The following EIPR1 variants were observed in gnomAD, a reference collection of about 807,000 sequenced individuals.
EIPR1 encodes the protein EARP and GARP complex-interacting protein 1.
EIPR1 carries 25 observed loss-of-function variants against 48.1 expected under a neutral mutation model. The ratio of observed to expected loss-of-function variants is 0.52; its 90% confidence interval spans 0.38 to 0.73. The LOEUF (loss-of-function observed/expected upper bound fraction) is 0.73, where lower values mean the gene tolerates loss of function less well. Among genes scored for constraint, EIPR1 ranks in the 30% least tolerant of loss-of-function variants. EIPR1 has a pLI of 0.00. For synonymous variants in EIPR1, 204 were observed against 201.9 expected (o/e 1.01, Z -0.09); for missense variants, 415 against 506.2 (o/e 0.82, Z 1.73).
intron 3 of EIPR1, among the ~76,000 whole-genome samples, chr2:3,289,246 CTG>C (rs1668296599): frequency 6.6e-6 from 1 of 152,150 alleles, no homozygotes; most frequent in African/African-American, 2.4e-5. Flanking sequence ...AATCATTTCG[CTG>C]TCTCTCTCTT....
At chr2:3,194,542 T>G (rs549998936) in intron 6 of EIPR1, among the ~76,000 whole-genome samples, 2 of 152,102 alleles carry the variant, frequency 1.3e-5, no homozygotes, top group Non-Finnish European at 2.9e-5. Context: ...CCTGACACAT[T>G]TCTGGAAGGA....
At chr2:3,367,622 T>A (rs1671005863) in intron 1 of EIPR1, among the ~76,000 whole-genome samples, 1 of 152,134 alleles carries the variant, frequency 6.6e-6, no homozygotes, top group Non-Finnish European at 1.5e-5. Flanking sequence ...CACAATCAAG[T>A]GGAATTCTTT....
chr2:3,325,130 G>A (rs1374171061), intron 3 of EIPR1, among the ~76,000 whole-genome samples: 1 of 152,208 alleles, frequency 6.6e-6, no homozygotes, highest in Non-Finnish European at 1.5e-5. Flanking sequence ...AGCTACAACT[G>A]GGCCCAAAAA....
intron 4 of EIPR1, among the ~76,000 whole-genome samples, chr2:3,226,868 C>A (rs901730088): frequency 4.6e-5 from 7 of 152,198 alleles, no homozygotes; most frequent in African/African-American, 1.7e-4. Flanking sequence ...AAGGGCAGTT[C>A]CCCTGCACAT....
intron 1 of EIPR1, among the ~76,000 whole-genome samples, chr2:3,358,786 C>T (rs1670791515): frequency 6.6e-6 from 1 of 152,154 alleles, no homozygotes; most frequent in Admixed American, 6.5e-5. Flanking sequence ...AGGCTGAGCC[C>T]CAGGTCAGGA....
intron 4 of EIPR1, among the ~76,000 whole-genome samples, chr2:3,228,415 A>G (rs976011967): frequency 6.6e-6 from 1 of 152,240 alleles, no homozygotes; most frequent in Non-Finnish European, 1.5e-5. Context: ...TACCACCATT[A>G]TATCTAGGAA....
intron 4 of EIPR1, among the ~76,000 whole-genome samples, chr2:3,223,244 C>T (rs757063036): frequency 2.7e-4 from 41 of 152,174 alleles, no homozygotes; most frequent in Non-Finnish European, 5.7e-4. Flanking sequence ...GTTGACTGAT[C>T]CACAAAGGTC....
chr2:3,247,837 T>C (rs1237421207), intron 4 of EIPR1, among the ~76,000 whole-genome samples: 2 of 152,224 alleles, frequency 1.3e-5, no homozygotes, highest in South Asian at 2.1e-4. Flanking sequence ...AGTAAAAATT[T>C]GTTATCAATT....
rs1024678704 is a variant in EIPR1, at chr2:3,219,281, G to A, written c.417-5033C>T. 2.0e-5 allele frequency among the ~76,000 whole-genome samples: 3 copies of A among 148,050 alleles called. 1 individual carries two copies. The highest frequency in any genetic ancestry group is 5.0e-5 in the African/African-American group (2 of 39,798). ...TCAGGTGCACACTCAACACGACCCT[G>A]GTATACTCTAGAGCATTCACAGTGA... On this transcript the variant is annotated intron_variant, in intron 4 of 8. Transcript: ENST00000382125.
intron 1 of EIPR1, among the ~76,000 whole-genome samples, chr2:3,369,665 T>G (rs943375685): frequency 4.6e-5 from 7 of 152,128 alleles, no homozygotes; most frequent in Admixed American, 4.6e-4. Flanking sequence ...AACTGCAAGG[T>G]GGCAGCGAGG....
intron 4 of EIPR1, among the ~76,000 whole-genome samples, chr2:3,244,186 A>G (rs1666725620): frequency 6.6e-6 from 1 of 152,206 alleles, no homozygotes; most frequent in African/African-American, 2.4e-5. Context: ...AGCAAGTCCA[A>G]AGATAGCCTC....
intron 2 of EIPR1, among the ~76,000 whole-genome samples, 184 bp downstream of exon 2, chr2:3,354,365 AC>A (rs1181443254): frequency 2.0e-5 from 3 of 152,262 alleles, no homozygotes; most frequent in Non-Finnish European, 4.4e-5. Flanking sequence ...ATTACTGAAC[AC>A]AGTCGATACA....
chr2:3,255,721 C>T (rs1413639836), intron 4 of EIPR1, among the ~76,000 whole-genome samples: 3 of 152,216 alleles, frequency 2.0e-5, no homozygotes, highest in African/African-American at 7.2e-5. Flanking sequence ...CACATGCTAA[C>T]CTCCCTAACG....
At chr2:3,211,599 T>G (rs1306180166) in intron 5 of EIPR1, among the ~76,000 whole-genome samples, 4 of 152,210 alleles carry the variant, frequency 2.6e-5, no homozygotes, top group African/African-American at 9.7e-5. Flanking sequence ...TTTAAACCTC[T>G]GATTAGAAAC....
chr2:3,348,100 T>A (rs1006939920), intron 2 of EIPR1, among the ~76,000 whole-genome samples: 77 of 152,078 alleles, frequency 5.1e-4, no homozygotes, highest in African/African-American at 1.7e-3. Flanking sequence ...TTGTCACCAA[T>A]CAGAGGCGCT....
chr2:3,220,835 C>T (rs1308088003), intron 4 of EIPR1, among the ~76,000 whole-genome samples: 1 of 149,648 alleles, frequency 6.7e-6, no homozygotes, highest in Non-Finnish European at 1.5e-5. Context: ...AGAGCATTCA[C>T]GGTGAGTCGG....
chr2:3,272,792 T>C (rs750278538), intron 3 of EIPR1, among the ~76,000 whole-genome samples: 3 of 152,194 alleles, frequency 2.0e-5, no homozygotes, highest in Non-Finnish European at 2.9e-5. Context: ...AATGGGCCAA[T>C]AGATTTGATG....
intron 3 of EIPR1, among the ~76,000 whole-genome samples, chr2:3,329,615 T>C (rs1257956429): frequency 6.8e-6 from 1 of 147,698 alleles, no homozygotes; most frequent in East Asian, 2.1e-4. Context: ...ATCACAGATC[T>C]ACCCACCATG....
intron 2 of EIPR1, among the ~76,000 whole-genome samples, chr2:3,340,819 A>AG (rs1670216306): frequency 6.6e-6 from 1 of 152,170 alleles, no homozygotes; most frequent in African/African-American, 2.4e-5. Context: ...TGGGTAGGCC[A>AG]GGCGCGGTGG....
Sources: gnomAD v4.1 joint callset for allele counts (sites outside exome capture counted in the v4.1 genomes callset) on GRCh38, gnomAD v4.1.1 for gene constraint, MANE v1.5 for transcripts, NCBI Gene and HGNC (gene_info 2026-07-23, HGNC 2026-07-21) for gene names.